Variants in DDAH1 observed in about 807,000 individuals in gnomAD.
DDAH1 encodes dimethylarginine dimethylaminohydrolase 1, also known as N(G),N(G)-dimethylarginine dimethylaminohydrolase 1.
DDAH1 carries 19 observed loss-of-function variants against 28.8 expected under a neutral mutation model. The ratio of observed to expected loss-of-function variants is 0.66; its 90% CI spans 0.46 to 0.97. The LOEUF (loss-of-function observed/expected upper bound fraction) is 0.97, where lower values mean the gene tolerates loss of function less well. DDAH1 is among the 50% of genes least tolerant of loss of function. The pLI, the probability that DDAH1 is intolerant of heterozygous loss-of-function variation, is 0.00. For missense variants in DDAH1, 326 were observed against 375.9 expected, an observed-to-expected ratio of 0.87 and a Z score of 1.10; for synonymous variants, 153 against 154.4, an observed-to-expected ratio of 0.99 and a Z score of 0.07.
chr1:85,500,113 CTTTTCTTTCTTTCTT>C (rs1656748370), intron 1 of DDAH1, among the ~76,000 whole-genome samples: 1 of 78,196 alleles, frequency 1.3e-5, no homozygotes, highest in Non-Finnish European at 2.3e-5. Context: ...TCTTTCTTTT[CTTTTCTTTCTTTCTT>C]TCTTTCTTTC....
At position 85,465,058 on chromosome 1, in the gene DDAH1, C is replaced by T; in HGVS notation, c.-13G>A. 1 of 1,238,324 alleles carries T rather than the reference C, an allele frequency of 8.1e-7. No individual in the cohort carries two copies. Among genetic ancestry groups the T allele is most frequent in the Non-Finnish European group, 1.0e-6 (1 of 993,138 alleles). The allele number at this position is 1,238,324 out of a possible 1,614,324, so 76.7% of individuals were successfully genotyped here. A position where few individuals can be genotyped will look rare whatever the true frequency, so the allele number is the denominator to read the frequency against. ...CGAGCCCGGCCATGGCTTCGGGAGG[C>T]TTAGGGGCGGCGGCGGCGGCGGAGG... On this transcript the variant is annotated 5_prime_UTR_variant, in exon 1 of 6. Transcript: ENST00000284031.
chr1:85,378,733 G>A (rs1650813232), intron 1 of DDAH1, among the ~76,000 whole-genome samples: 1 of 152,116 alleles, frequency 6.6e-6, no homozygotes, highest in Non-Finnish European at 1.5e-5. Context: ...TTAACAAGTG[G>A]AAATCCTAGC....
intron 2 of DDAH1, among the ~76,000 whole-genome samples, chr1:85,357,899 G>A (rs1372633152): frequency 1.3e-5 from 2 of 152,158 alleles, no homozygotes; most frequent in South Asian, 2.1e-4. Flanking sequence ...ATTACACACT[G>A]TAAAAACTGA....
At chr1:85,395,350 C>T (rs1043250151) in intron 1 of DDAH1, among the ~76,000 whole-genome samples, 7 of 152,032 alleles carry the variant, frequency 4.6e-5, no homozygotes, top group African/African-American at 1.2e-4. Flanking sequence ...AATTTTTGCC[C>T]TAAGGTAGAA....
chr1:85,483,438 G>A (rs1191059767), intron 2 of DDAH1, among the ~76,000 whole-genome samples: 5 of 151,984 alleles, frequency 3.3e-5, no homozygotes, highest in South Asian at 4.2e-4. Context: ...TGATTGGCTC[G>A]CTCTCCCCAG....
Position 85,464,535 on chromosome 1 carries a change from A to C in DDAH1, c.303+208T>G. 1.3e-5 allele frequency: 19 copies of C among 1,477,704 alleles called. No individual in the cohort carries two copies. The highest frequency in any genetic ancestry group is 2.8e-5 in the East Asian group (1 of 36,028). The allele number at this position is 1,477,704 out of a possible 1,614,324, so 91.5% of individuals were successfully genotyped here. A position where few individuals can be genotyped will look rare whatever the true frequency, so the allele number is the denominator to read the frequency against. On this transcript the variant is annotated intron_variant, in intron 1 of 5. Transcript: ENST00000284031. This position sits in a 1 kb window ranked among gnomAD's most constrained non-coding sequence, Gnocchi z 4.4. ...ACAACCACATTGAATCGGATCCTCCAGAAGGCTGCCGGCAGCCGGGAGGTG... is the reference window on the plus strand; with the variant it reads ...ACAACCACATTGAATCGGATCCTCCCGAAGGCTGCCGGCAGCCGGGAGGTG...
chr1:85,555,001 C>G (rs1200093077), intron 1 of DDAH1, among the ~76,000 whole-genome samples: 1 of 152,150 alleles, frequency 6.6e-6, no homozygotes, highest in Non-Finnish European at 1.5e-5. Flanking sequence ...ATATTATGCT[C>G]AGTTATGACA....
chr1:85,350,113 C>T (rs1649113073), intron 4 of DDAH1, among the ~76,000 whole-genome samples: 1 of 152,174 alleles, frequency 6.6e-6, no homozygotes, highest in South Asian at 2.1e-4. Flanking sequence ...GTGGCATGCC[C>T]TCCTTTCCCC....
At chr1:85,520,352 G>A (rs1304799183) in intron 1 of DDAH1, among the ~76,000 whole-genome samples, 4 of 152,136 alleles carry the variant, frequency 2.6e-5, no homozygotes, top group African/African-American at 7.2e-5. Context: ...GTATATTTTG[G>A]GTTCTAGAAA....
At chr1:85,433,400 A>G (rs1024980441) in intron 1 of DDAH1, among the ~76,000 whole-genome samples, 4 of 152,200 alleles carry the variant, frequency 2.6e-5, no homozygotes, top group Non-Finnish European at 4.4e-5. Flanking sequence ...TGCATCAAGT[A>G]TGTGGTTGCC....
intron 1 of DDAH1, chr1:85,399,807 TAATC>T (rs1403028992): frequency 2.6e-5 from 4 of 152,218 alleles, no homozygotes; most frequent in Non-Finnish European, 5.9e-5. Context: ...AACTTTGAAA[TAATC>T]AATCTGTTTT....
At chr1:85,481,448 G>T (rs1656013089) in intron 2 of DDAH1, among the ~76,000 whole-genome samples, 1 of 152,016 alleles carries the variant, frequency 6.6e-6, no homozygotes, top group East Asian at 1.9e-4. Context: ...TTAAAAGATT[G>T]AAAACAAATT....
intron 1 of DDAH1, among the ~76,000 whole-genome samples, chr1:85,514,505 T>G (rs1473363563): frequency 2.8e-5 from 4 of 143,328 alleles, no homozygotes; most frequent in Non-Finnish European, 3.0e-5. Context: ...ATTGTGCACA[T>G]GTACCCTAGA....
intron 4 of DDAH1, among the ~76,000 whole-genome samples, chr1:85,326,746 T>C (rs1165658130): frequency 6.6e-6 from 1 of 152,248 alleles, no homozygotes; most frequent in African/African-American, 2.4e-5. Context: ...GACATCTCTC[T>C]TGCACTTTTG....
chr1:85,464,435 C>T lies in DDAH1; in HGVS notation c.303+308G>A, dbSNP rs1221594668. The stretch of plus-strand genomic sequence containing the variant: ...GAAACACTCAGAGTTGCACTGTCGT[C>T]GCTGCCGTTTAATTTTCACAAATAA... On this transcript the variant is annotated intron_variant, in intron 1 of 5. Coordinates refer to ENST00000284031, the MANE Select transcript of DDAH1 (RefSeq NM_012137.4). This position sits in a 1 kb window ranked among gnomAD's most constrained non-coding sequence, Gnocchi z 4.4. 1.4e-6 allele frequency: 2 copies of T among 1,428,224 alleles called. No homozygotes were observed. Among genetic ancestry groups the T allele is most frequent in the African/African-American group, 2.8e-5 (2 of 70,476 alleles). The allele number at this position is 1,428,224 out of a possible 1,614,324, so 88.5% of individuals were successfully genotyped here.
At position 85,464,354 on chromosome 1, in the gene DDAH1, G is replaced by T; in HGVS notation, c.303+389C>A. ...GACTGGCGCTGCCCCCTGGAGGGACGCCCAGCCTCCACCCGCCCTACCGGA... is the reference window on the plus strand; with the variant it reads ...GACTGGCGCTGCCCCCTGGAGGGACTCCCAGCCTCCACCCGCCCTACCGGA... On this transcript the variant is annotated intron_variant, in intron 1 of 5. Transcript: ENST00000284031. The surrounding 1 kb of genome is among the most constrained non-coding windows in gnomAD (Gnocchi z 4.4). The T allele has an allele frequency of 1.5e-6, 1 of 653,678 alleles. No homozygotes were observed. Among genetic ancestry groups the T allele is most frequent in the Non-Finnish European group, 2.4e-6 (1 of 420,610 alleles). The allele number at this position is 653,678 out of a possible 1,614,324, so 40.5% of individuals were successfully genotyped here.
chr1:85,474,393 A>C (rs1206744108), intron 2 of DDAH1, among the ~76,000 whole-genome samples: 1 of 151,762 alleles, frequency 6.6e-6, no homozygotes, highest in Admixed American at 6.6e-5. Flanking sequence ...CCCCACCCCC[A>C]TGATGTGGCC....
At chr1:85,566,588 A>G (rs1044778097) in intron 1 of DDAH1, among the ~76,000 whole-genome samples, 4 of 152,150 alleles carry the variant, frequency 2.6e-5, no homozygotes, top group Non-Finnish European at 4.4e-5. Flanking sequence ...CCTAATTTAA[A>G]TATAAAGACA....
chr1:85,466,000 C>T (rs1655365172), upstream of DDAH1, among the ~76,000 whole-genome samples: 1 of 152,220 alleles, frequency 6.6e-6, no homozygotes, highest in Admixed American at 6.5e-5. Flanking sequence ...TGAACACTGC[C>T]TAAGCCTGTA....
Sources: allele counts gnomAD v4.1 joint callset (sites outside exome capture counted in the v4.1 genomes callset), GRCh38; gene constraint gnomAD v4.1.1; non-coding constraint Gnocchi (gnomAD v3.1); transcripts MANE v1.5; gene names NCBI Gene and HGNC (gene_info 2026-07-23, HGNC 2026-07-21).